Variants in PTER observed in about 807,000 individuals in gnomAD.
PTER encodes the protein N-acetyltaurine hydrolase.
Under a neutral mutation model 29.6 loss-of-function variants are expected in PTER, and 38 were observed. That is an observed-to-expected ratio of 1.28 (90% CI 0.99 to 1.68). The LOEUF (loss-of-function observed/expected upper bound fraction) is 1.68. Among genes scored for constraint, PTER ranks in the 40% most tolerant of loss-of-function variants. The pLI, the probability that PTER is intolerant of heterozygous loss-of-function variation, is 0.00. For synonymous variants in PTER, 172 were observed against 154.5 expected, an observed-to-expected ratio of 1.11 and a Z score of -0.84; for missense variants, 482 against 427.8, an observed-to-expected ratio of 1.13 and a Z score of -1.12.
At chr10:16,467,093 C>T (rs527420622) in intron 1 of PTER, among the ~76,000 whole-genome samples, 94 of 152,340 alleles carry the variant, frequency 6.2e-4, no homozygotes, top group African/African-American at 2.2e-3. Context: ...TCTTACACTA[C>T]TGTCCCCTTA....
At chr10:16,448,833 A>T (rs1360566811) in intron 1 of PTER, among the ~76,000 whole-genome samples, 5 of 152,230 alleles carry the variant, frequency 3.3e-5, no homozygotes, top group Admixed American at 2.0e-4. Context: ...CCATCTGAAG[A>T]CAAATTGCTT....
At chr10:16,518,765 G>A in the PTER span, among the ~76,000 whole-genome samples, 2 of 151,928 alleles carry the variant, frequency 1.3e-5, no homozygotes, top group Non-Finnish European at 2.9e-5. Flanking sequence ...TCTTCAGCCC[G>A]ATTGTATTTT....
chr10:16,458,737 C>G (rs1276148233), intron 1 of PTER, among the ~76,000 whole-genome samples: 1 of 152,154 alleles, frequency 6.6e-6, no homozygotes, highest in South Asian at 2.1e-4. Flanking sequence ...AAAGCTGTCA[C>G]TGAAGCTGCT....
intron 1 of PTER, among the ~76,000 whole-genome samples, chr10:16,443,945 A>T (rs1036816717): frequency 2.2e-4 from 34 of 152,072 alleles, no homozygotes; most frequent in African/African-American, 7.7e-4. Flanking sequence ...CGATACTATC[A>T]ACTGAAAACA....
In PTER at chr10:16,486,435, C is replaced by T. The variant is rs1835696599; in HGVS notation, c.516C>T (p.Cys172=). 6.2e-7 allele frequency: 1 copy of T among 1,613,934 alleles called. No individual in the cohort carries two copies. The highest frequency in any genetic ancestry group is 1.3e-5 in the African/African-American group (1 of 74,902). ...GTGGCATTATTGGAGAAATTGGTTG[C>T]TCCTGGCCTTTGACTGAGAGTGAAA... ...IKCGIIGEIG[C]SWPLTESERK... Residue 172 remains cysteine, a synonymous_variant, in exon 3 of 5, where the codon TGC becomes TGT. Transcript: ENST00000535784.
chr10:16,438,920 C>CAAAAAA (rs71374688), intron 1 of PTER, among the ~76,000 whole-genome samples: 8 of 101,372 alleles, frequency 7.9e-5, no homozygotes, highest in African/African-American at 2.9e-4. Context: ...GACTCTGTCT[C>CAAAAAA]AAAAAAAAAA....
intron 4 of PTER, among the ~76,000 whole-genome samples, chr10:16,507,824 G>T (rs566224058): frequency 5.2e-4 from 79 of 152,190 alleles, no homozygotes; most frequent in Non-Finnish European, 9.0e-4. Flanking sequence ...TTGTTTCTTT[G>T]TTTATTTTTG....
chr10:16,440,450 C>G (rs1833808279), intron 1 of PTER, among the ~76,000 whole-genome samples: 1 of 152,138 alleles, frequency 6.6e-6, no homozygotes, highest in Admixed American at 6.6e-5. Flanking sequence ...ATATCTGGTT[C>G]CATTTGGCAT....
intron 4 of PTER, among the ~76,000 whole-genome samples, chr10:16,509,009 G>T (rs1447129149): frequency 6.6e-6 from 1 of 152,160 alleles, no homozygotes; most frequent in African/African-American, 2.4e-5. Flanking sequence ...TCAATCTTCT[G>T]CTCCATTTCT....
Position 16,511,367 on chromosome 10 carries a change from T to C in PTER, c.*111T>C, listed in dbSNP as rs1393894107. The C allele has an allele frequency of 1.3e-5, 13 of 1,000,274 alleles. No individual in the cohort carries two copies. Among genetic ancestry groups the C allele is most frequent in the Non-Finnish European group, 1.8e-5 (12 of 657,228 alleles). 62.0% of individuals were successfully genotyped at this position (1,000,274 alleles called of 1,614,324 possible). A position where few individuals can be genotyped will look rare whatever the true frequency, so the allele number is the denominator to read the frequency against. Reference sequence around the variant, plus strand: ...GTTACCTAGGACTAATGACAGATCATTTCCTTCTGATGAGAACTAGGAGGG... The same window carrying C: ...GTTACCTAGGACTAATGACAGATCACTTCCTTCTGATGAGAACTAGGAGGG... On this transcript the variant is annotated 3_prime_UTR_variant, in exon 5 of 5. Transcript: ENST00000535784.
chr10:16,443,022 T>G (rs1833899890), intron 1 of PTER, among the ~76,000 whole-genome samples: 1 of 152,126 alleles, frequency 6.6e-6, no homozygotes, highest in African/African-American at 2.4e-5. Flanking sequence ...CAGGTGTAAT[T>G]AAGGGCCATT....
chr10:16,455,122 G>A (rs1385388646), intron 1 of PTER, among the ~76,000 whole-genome samples: 3 of 152,022 alleles, frequency 2.0e-5, no homozygotes, highest in African/African-American at 7.3e-5. Flanking sequence ...CCAGCTATTA[G>A]GGAGGCTGCA....
intron 4 of PTER, among the ~76,000 whole-genome samples, chr10:16,506,993 G>C (rs1836597334): frequency 6.6e-6 from 1 of 151,794 alleles, no homozygotes; most frequent in Non-Finnish European, 1.5e-5. Flanking sequence ...CAGAGAAGTT[G>C]TGTGCGTACA....
rs748343280 is a variant in PTER at position 16,505,070 on chromosome 10, A to G, written c.749A>G (p.Tyr250Cys). The G allele has an allele frequency of 3.1e-6, 5 of 1,614,034 alleles. No homozygotes were observed. In the East Asian group the frequency reaches 8.9e-5, roughly 29 times the overall value. The change falls in exon 4 of 5, where the codon TAC becomes TGC. Residue 250 changes from tyrosine (Y) to cysteine (C), a missense_variant. Tyr to Cys is a radical substitution (Grantham distance 194). Transcript: ENST00000535784. The part of the protein sequence containing the change: ...ELLEFAQLGC[Y>C]LEYDLFGTEL... ...TTGGAGTTTGCTCAACTTGGCTGCT[A>G]CTTGGAATATGATCTCTTTGGTACT...
intron 1 of PTER, among the ~76,000 whole-genome samples, chr10:16,481,980 A>G (rs1276511097): frequency 1.3e-5 from 2 of 152,200 alleles, no homozygotes; most frequent in African/African-American, 2.4e-5. Flanking sequence ...CCTATCCATC[A>G]TCATTGGAAA....
chr10:16,440,957 G>T (rs1833828433), intron 1 of PTER, among the ~76,000 whole-genome samples: 1 of 152,210 alleles, frequency 6.6e-6, no homozygotes, highest in South Asian at 2.1e-4. Context: ...GAGCTGTGGG[G>T]AGGGCCCTGA....
chr10:16,448,599 A>G (rs1288997664), intron 1 of PTER, among the ~76,000 whole-genome samples: 3 of 152,132 alleles, frequency 2.0e-5, no homozygotes, highest in Non-Finnish European at 2.9e-5. Context: ...AGTCGGATTT[A>G]TTTCCCATCC....
intron 2 of PTER, among the ~76,000 whole-genome samples, chr10:16,485,835 T>C (rs1056046983): frequency 6.6e-6 from 1 of 152,170 alleles, no homozygotes; most frequent in Admixed American, 6.6e-5. Context: ...GATGCAAGCG[T>C]GTAGTCCTAG....
Position 16,474,014 on chromosome 10 carries a change from G to A in PTER, c.-48-10323G>A, listed in dbSNP as rs549424412. On this transcript the variant is annotated intron_variant, in intron 1 of 4. Coordinates refer to ENST00000535784, the MANE Select transcript of PTER (RefSeq NM_001261836.2). Reference sequence around the variant, plus strand: ...GGGCAGATCACGAGGTCAGGAGTTCGAGACCAGCCTGGCCAACACAGTGAA... The same window carrying A: ...GGGCAGATCACGAGGTCAGGAGTTCAAGACCAGCCTGGCCAACACAGTGAA... Among the ~76,000 whole-genome samples the A allele has an allele frequency of 2.0e-5, 3 of 152,246 alleles. No homozygotes were observed. In the East Asian group the frequency reaches 5.8e-4, roughly 29 times the overall value.
Sources: gnomAD v4.1 joint callset for allele counts (sites outside exome capture counted in the v4.1 genomes callset) on GRCh38, gnomAD v4.1.1 for gene constraint, MANE v1.5 for transcripts, NCBI Gene and HGNC (gene_info 2026-07-23, HGNC 2026-07-21) for gene names.